PPM1F: variants seen among roughly 807,000 people sequenced by gnomAD.
PPM1F encodes protein phosphatase, Mg2+/Mn2+ dependent 1F.
A neutral mutation model predicts 35.5 loss-of-function variants in PPM1F; 17 were observed. That is an observed-to-expected ratio of 0.48 (90% CI 0.33 to 0.72). The LOEUF (loss-of-function observed/expected upper bound fraction) is 0.72. Among genes scored for constraint, PPM1F ranks in the 30% least tolerant of loss-of-function variants. The pLI is 0.02. For synonymous variants in PPM1F, 241 were observed against 255.5 expected (o/e 0.94, Z 0.54); for missense variants, 521 against 613.0 (o/e 0.85, Z 1.59).
In PPM1F at chr22:21,922,960, C is replaced by T; in HGVS notation, c.*132G>A. 8.0e-7 allele frequency: 1 copy of T among 1,246,550 alleles called. No homozygotes were observed. The highest frequency in any genetic ancestry group is 1.1e-6 in the Non-Finnish European group (1 of 895,544). 77.2% of individuals were successfully genotyped at this position (1,246,550 alleles called of 1,614,324 possible). ...GGGCTGCGGGGGGTGTCCCGACTGGCTCTGGGGTGCTGGGGAAAGCACTGT... is the reference window on the plus strand; with the variant it reads ...GGGCTGCGGGGGGTGTCCCGACTGGTTCTGGGGTGCTGGGGAAAGCACTGT... On this transcript the variant is annotated 3_prime_UTR_variant, in exon 8 of 8. Transcript: ENST00000263212.
In PPM1F at chr22:21,931,211, C is replaced by T; in HGVS notation, c.828G>A (p.Gln276=). Residue 276 remains glutamine (Q), a synonymous_variant, in exon 6 of 8, where the codon CAG becomes CAA. Transcript: ENST00000263212. The stretch of plus-strand genomic sequence containing the variant: ...CCTGTCCCTGCTGTACCAAAATGAC[C>T]TGGGAATCCCCGAGCCAGGCGACGT... ...TLHVAWLGDS[Q]VILVQQGQVV... 6.2e-7 allele frequency: 1 copy of T among 1,614,172 alleles called. No homozygotes were observed. Among genetic ancestry groups the T allele is most frequent in the South Asian group, 1.1e-5 (1 of 91,088 alleles).
chr22:21,942,844 G>C (rs941720924), intron 2 of PPM1F: 1 of 152,310 alleles, frequency 6.6e-6, no homozygotes, highest in Non-Finnish European at 1.5e-5. Context: ...TGCAGAGCAG[G>C]CTCCTACACA....
intron 6 of PPM1F, 104 bp downstream of exon 6, chr22:21,931,044 G>GGATTA: frequency 6.5e-7 from 1 of 1,534,924 alleles, no homozygotes. Context: ...AAAGGTGCCA[G>GGATTA]GATTACTACT....
intron 3 of PPM1F, chr22:21,936,005 A>T (rs1601785434): frequency 6.6e-6 from 1 of 152,038 alleles, no homozygotes; most frequent in East Asian, 1.9e-4. Flanking sequence ...GCAAATGAAC[A>T]ACACCAAACC....
In PPM1F at chr22:21,939,697, G is replaced by C. The variant is rs773956091; in HGVS notation, c.207-17C>G. ...GGGGCCTTCCTAGGGATGAGGAGGG[G>C]GAAGTGAGGGGCAGCCCCCAGCAGG... On this transcript the variant is annotated splice_polypyrimidine_tract_variant and intron_variant, in intron 2 of 7. Coordinates refer to ENST00000263212, the MANE Select transcript of PPM1F (RefSeq NM_014634.4). This position sits in a 1 kb window ranked among gnomAD's most constrained non-coding sequence, Gnocchi z 5.1. 7.1e-6 allele frequency: 11 copies of C among 1,551,388 alleles called. No individual in the cohort carries two copies. The South Asian group carries it at 1.2e-4, about 17-fold the overall frequency.
At position 21,923,488 on chromosome 22, in the gene PPM1F, G is replaced by C. The variant is rs774410069; in HGVS notation, c.986-17C>G. The C allele has an allele frequency of 1.9e-6, 3 of 1,585,554 alleles. No homozygotes were observed. The Admixed American group carries it at 5.1e-5, about 27-fold the overall frequency. On this transcript the variant is annotated splice_polypyrimidine_tract_variant and intron_variant, in intron 7 of 7. Transcript: ENST00000263212. The stretch of plus-strand genomic sequence containing the variant: ...AGACATCCCCTGGACAGGCGGAGAA[G>C]AGCCCGGGTCAGAGGACCACGGTGT...
At chr22:21,931,042 C>G in intron 6 of PPM1F, 106 bp downstream of exon 6, 7 of 1,529,508 alleles carry the variant, frequency 4.6e-6, no homozygotes, top group Non-Finnish European at 6.2e-6. Context: ...TGAAAGGTGC[C>G]AGGATTACTA....
At position 21,922,217 on chromosome 22, in the gene PPM1F, A is replaced by C. The variant is rs1322579843; in HGVS notation, c.*875T>G. On this transcript the variant is annotated 3_prime_UTR_variant, in exon 8 of 8. Transcript: ENST00000263212. ...CAATCCTGATTTAGAAAATAAATTC[A>C]ATAATACTGCAAAAAAAGGTTCCTT... The C allele has an allele frequency of 3.9e-5, 6 of 152,780 alleles. 1 individual carries two copies. The East Asian group carries it at 1.2e-3, about 29-fold the overall frequency. 9.5% of individuals were successfully genotyped at this position (152,780 alleles called of 1,614,324 possible). A position where few individuals can be genotyped will look rare whatever the true frequency, so the allele number is the denominator to read the frequency against.
At position 21,939,330 on chromosome 22, in the gene PPM1F, C is replaced by G; in HGVS notation, c.355+202G>C. On this transcript the variant is annotated intron_variant, in intron 3 of 7. Transcript: ENST00000263212. The surrounding 1 kb of genome is among the most constrained non-coding windows in gnomAD (Gnocchi z 5.1). Reference sequence around the variant, plus strand: ...CCCTGCCTCGTGGGCTGACTGGGAACTATATGACCTGTGGAGGGCTGTGAC... The same window carrying G: ...CCCTGCCTCGTGGGCTGACTGGGAAGTATATGACCTGTGGAGGGCTGTGAC... The G allele has an allele frequency of 1.5e-6, 1 of 652,808 alleles. No homozygotes were observed. The highest frequency in any genetic ancestry group is 2.6e-6 in the Non-Finnish European group (1 of 384,656). 40.4% of individuals were successfully genotyped at this position (652,808 alleles called of 1,614,324 possible). A position where few individuals can be genotyped will look rare whatever the true frequency, so the allele number is the denominator to read the frequency against.
At chr22:21,930,428 AC>A (rs1487814207) in intron 6 of PPM1F, among the ~76,000 whole-genome samples, 2 of 152,222 alleles carry the variant, frequency 1.3e-5, no homozygotes, top group Non-Finnish European at 2.9e-5. Context: ...TGTTTTTAGC[AC>A]CGAAAGACTG....
At chr22:21,927,942 G>GTTTTGTTTTTT (rs2070537227) in intron 6 of PPM1F, among the ~76,000 whole-genome samples, 1 of 75,128 alleles carries the variant, frequency 1.3e-5, no homozygotes, top group African/African-American at 5.5e-5. Flanking sequence ...TTTTTGTTTT[G>GTTTTGTTTTTT]TTTTTTTTTT....
intron 3 of PPM1F, chr22:21,936,146 G>A (rs569374039): frequency 2.0e-5 from 3 of 152,336 alleles, no homozygotes; most frequent in Admixed American, 2.0e-4. Flanking sequence ...TCCAGTCTGG[G>A]TGACAGAGGG....
rs560348909 is a variant in PPM1F at position 21,939,290 on chromosome 22, G to A, written c.355+242C>T. On this transcript the variant is annotated intron_variant, in intron 3 of 7. Coordinates refer to ENST00000263212, the MANE Select transcript of PPM1F (RefSeq NM_014634.4). The surrounding 1 kb of genome is among the most constrained non-coding windows in gnomAD (Gnocchi z 5.1). The stretch of plus-strand genomic sequence containing the variant: ...TCAGTCAGACAGGACACAGGAGGGT[G>A]TCTGCACCACCCACCCCTGCCTCGT... The A allele has an allele frequency of 9.0e-6, 5 of 554,148 alleles. No individual in the cohort carries two copies. The East Asian group carries it at 1.6e-4, about 17-fold the overall frequency. 34.3% of individuals were successfully genotyped at this position (554,148 alleles called of 1,614,324 possible). A position where few individuals can be genotyped will look rare whatever the true frequency, so the allele number is the denominator to read the frequency against.
chr22:21,932,948 C>T (rs1363635074), intron 5 of PPM1F, among the ~76,000 whole-genome samples: 2 of 152,178 alleles, frequency 1.3e-5, no homozygotes, highest in East Asian at 3.8e-4. Flanking sequence ...CGGCTCTGGC[C>T]CAGCTTCCCT....
At chr22:21,924,560 C>T (rs1244415212) in intron 7 of PPM1F, among the ~76,000 whole-genome samples, 142 of 148,962 alleles carry the variant, frequency 9.5e-4, no homozygotes, top group Admixed American at 2.7e-3. Context: ...CGTGAGCCAC[C>T]GCGCCCAGCT....
rs746565007 is a variant in PPM1F, at chr22:21,923,171, T to A, written c.1286A>T (p.Asp429Val). The A allele has an allele frequency of 6.2e-7, 1 of 1,613,236 alleles. No homozygotes were observed. The highest frequency in any genetic ancestry group is 2.2e-5 in the East Asian group (1 of 44,846). ...LLEGGNQGEG[D>V]PQAEGRRQDL... Reference sequence around the variant, plus strand: ...CTGCCTCCTCCCTTCTGCCTGGGGGTCCCCTTCTCCCTGGTTCCCGCCCTC... The same window carrying A: ...CTGCCTCCTCCCTTCTGCCTGGGGGACCCCTTCTCCCTGGTTCCCGCCCTC... Residue 429 changes from aspartate (D) to valine (V), a missense_variant, in exon 8 of 8, where the codon GAC (aspartate) becomes GTC (valine). Around this residue, in one of 3 missense-constraint regions of PPM1F, gnomAD observed 163 missense variants for 169.6 expected, o/e 0.96. Transcript: ENST00000263212.
rs1601797515 is a variant in PPM1F, at chr22:21,952,818, C to G, written c.-87G>C. 6.6e-6 allele frequency: 1 copy of G among 152,016 alleles called. No homozygotes were observed. The highest frequency in any genetic ancestry group is 2.1e-4 in the South Asian group (1 of 4,836). 9.4% of individuals were successfully genotyped at this position (152,016 alleles called of 1,614,324 possible). The stretch of plus-strand genomic sequence containing the variant: ...CCTGGTCTCCGCGGGCCTCAGCTGT[C>G]TCCTCGCGGCTCCGTGTCCCGCAAG... On this transcript the variant is annotated 5_prime_UTR_variant, in exon 1 of 8. Coordinates refer to ENST00000263212, the MANE Select transcript of PPM1F (RefSeq NM_014634.4).
At position 21,921,620 on chromosome 22, in the gene PPM1F, G is replaced by A. The variant is rs2070448906; in HGVS notation, c.*1472C>T. ...TCAGGGCATGGGGCAGAGCAAGGCA[G>A]GCGTGCTGCCAGCCACCGCGGCAAG... On this transcript the variant is annotated 3_prime_UTR_variant, in exon 8 of 8. Coordinates refer to ENST00000263212, the MANE Select transcript of PPM1F (RefSeq NM_014634.4). The A allele has an allele frequency of 6.6e-6, 1 of 152,408 alleles. No individual in the cohort carries two copies. The highest frequency in any genetic ancestry group is 1.5e-5 in the Non-Finnish European group (1 of 68,182). 9.4% of individuals were successfully genotyped at this position (152,408 alleles called of 1,614,324 possible).
intron 3 of PPM1F, chr22:21,935,373 C>A (rs950645208): frequency 1.3e-5 from 2 of 152,108 alleles, no homozygotes; most frequent in African/African-American, 2.4e-5. Context: ...TAAGGGTGGC[C>A]TTAAAAGGGT....
Sources: gnomAD v4.1 joint callset for allele counts (sites outside exome capture counted in the v4.1 genomes callset) on GRCh38, gnomAD v4.1.1 for gene constraint, gnomAD v4.1.1 regional missense constraint, Gnocchi (gnomAD v3.1) non-coding constraint, MANE v1.5 for transcripts, NCBI Gene and HGNC (gene_info 2026-07-23, HGNC 2026-07-21) for gene names.